Variants in SDK1 observed in about 807,000 individuals in gnomAD.
The protein encoded by SDK1 is sidekick cell adhesion molecule 1.
A neutral mutation model predicts 245.5 loss-of-function variants in SDK1; 157 were observed. The ratio of observed to expected loss-of-function variants is 0.64; its 90% CI spans 0.56 to 0.73. SDK1 has a LOEUF of 0.73. SDK1 is among the 30% of genes least tolerant of loss of function. The pLI is 0.00. For missense variants in SDK1, 3,583 were observed against 3,002.3 expected (o/e 1.19, Z -4.52); for synonymous variants, 1,647 against 1,278.5 (o/e 1.29, Z -6.15).
At chr7:3,879,340 G>A (rs1382061304) in intron 5 of SDK1, among the ~76,000 whole-genome samples, 1 of 152,186 alleles carries the variant, frequency 6.6e-6, no homozygotes, top group African/African-American at 2.4e-5. Context: ...TACCCTTGCA[G>A]TTACTAGATG....
chr7:3,356,280 T>C (rs1780791997), intron 1 of SDK1, among the ~76,000 whole-genome samples: 1 of 152,130 alleles, frequency 6.6e-6, no homozygotes, highest in Admixed American at 6.5e-5. Context: ...TGGTGAAATA[T>C]AACAAAGTGC....
At chr7:3,379,476 C>T (rs979685751) in intron 1 of SDK1, among the ~76,000 whole-genome samples, 11 of 152,016 alleles carry the variant, frequency 7.2e-5, no homozygotes, top group African/African-American at 1.9e-4. Flanking sequence ...TAAGAGTGTT[C>T]CAAGCTTTGG....
chr7:3,519,001 G>C (rs1476951498), intron 1 of SDK1, among the ~76,000 whole-genome samples: 1 of 151,974 alleles, frequency 6.6e-6, no homozygotes, highest in African/African-American at 2.4e-5. Context: ...TGAGACAACA[G>C]GGATGGAACT....
intron 5 of SDK1, among the ~76,000 whole-genome samples, chr7:3,878,274 C>A (rs1265037427): frequency 6.6e-6 from 1 of 152,040 alleles, no homozygotes; most frequent in Non-Finnish European, 1.5e-5. Context: ...TAATCCCAGC[C>A]CTTTGGGAGG....
intron 14 of SDK1, among the ~76,000 whole-genome samples, chr7:4,008,628 C>T (rs1458778484): frequency 6.6e-6 from 1 of 152,086 alleles, no homozygotes. Context: ...AAAGTTAGTC[C>T]TCTTTCCAAA....
chr7:3,572,855 C>T lies in SDK1; in HGVS notation c.299-46225C>T, dbSNP rs377531732. 2.6e-5 allele frequency among the ~76,000 whole-genome samples: 4 copies of T among 151,894 alleles called. 1 individual carries two copies. In the East Asian group the frequency reaches 5.8e-4, roughly 22 times the overall value. On this transcript the variant is annotated intron_variant, in intron 1 of 44. Transcript: ENST00000404826. ...AGAGGGTGCTATTGAAATGTATTCA[C>T]CTGAAGAAGGGAGGAAGAGATTCCT...
At chr7:3,304,607 G>C (rs892998357) in intron 1 of SDK1, among the ~76,000 whole-genome samples, 2 of 152,168 alleles carry the variant, frequency 1.3e-5, no homozygotes, top group Non-Finnish European at 2.9e-5. Context: ...TGGTTCTCCA[G>C]CTTTGGTATG....
intron 13 of SDK1, among the ~76,000 whole-genome samples, chr7:3,974,998 C>A (rs749955818): frequency 6.6e-6 from 1 of 152,056 alleles, no homozygotes; most frequent in East Asian, 1.9e-4. Flanking sequence ...GCTGCCCCTC[C>A]GTGGGTAAAT....
Position 3,945,469 on chromosome 7 carries a change from C to A in SDK1, c.848-5454C>A, listed in dbSNP as rs73674358. ...AACTTCAGAAAGTATTTATACTCTC[C>A]GAGACATTTAGAAATGTATTTCACC... On this transcript the variant is annotated intron_variant, in intron 5 of 44. Coordinates refer to ENST00000404826, the MANE Select transcript of SDK1 (RefSeq NM_152744.4). Among the ~76,000 whole-genome samples the A allele has an allele frequency of 5.5e-3, 832 of 152,016 alleles. 9 individuals are homozygous for A. The highest frequency in any genetic ancestry group is 0.019 in the African/African-American group (778 of 41,446).
chr7:3,962,517 C>G, intron 8 of SDK1, 140 bp from the exon 9 acceptor site: 1 of 708,616 alleles, frequency 1.4e-6, no homozygotes, highest in Non-Finnish European at 2.3e-6. Context: ...AAAAATAGCT[C>G]CTTATAGGGT....
At chr7:4,203,602 A>G (rs1316928644) in intron 35 of SDK1, among the ~76,000 whole-genome samples, 4 of 152,100 alleles carry the variant, frequency 2.6e-5, no homozygotes, top group African/African-American at 4.8e-5. Flanking sequence ...TGGGAAAACA[A>G]AAAACGAACG....
intron 1 of SDK1, among the ~76,000 whole-genome samples, chr7:3,480,293 CAT>C (rs1489059568): frequency 1.3e-5 from 2 of 152,166 alleles, no homozygotes; most frequent in Non-Finnish European, 1.5e-5. Flanking sequence ...CAGAGTGGCT[CAT>C]GTGAAAACCT....
At chr7:3,655,899 T>A (rs996417921) in intron 4 of SDK1, among the ~76,000 whole-genome samples, 5 of 152,034 alleles carry the variant, frequency 3.3e-5, no homozygotes, top group African/African-American at 7.2e-5. Flanking sequence ...ATATATCAAA[T>A]GGAAATAATG....
chr7:3,495,976 T>C (rs139474757), intron 1 of SDK1, among the ~76,000 whole-genome samples: 135 of 152,350 alleles, frequency 8.9e-4, no homozygotes, highest in African/African-American at 3.1e-3. Flanking sequence ...AACATACTTA[T>C]CTTTTCTCAG....
intron 19 of SDK1, among the ~76,000 whole-genome samples, chr7:4,053,074 G>C (rs1435437338): frequency 7.1e-6 from 1 of 141,210 alleles, no homozygotes; most frequent in Non-Finnish European, 1.5e-5. Context: ...GTGACATAGT[G>C]AGACTCTGTC....
intron 4 of SDK1, among the ~76,000 whole-genome samples, chr7:3,723,943 TAGAGAG>T (rs542853903): frequency 0.019 from 1,664 of 89,670 alleles, 109 homozygotes; most frequent in African/African-American, 0.021. Flanking sequence ...TATATATATA[TAGAGAG>T]AGAGAGAGAG....
chr7:4,016,948 A>C (rs1329741264), intron 16 of SDK1, among the ~76,000 whole-genome samples: 1 of 152,200 alleles, frequency 6.6e-6, no homozygotes, highest in African/African-American at 2.4e-5. Context: ...TATGTAGTTG[A>C]AATGTCAGTT....
intron 28 of SDK1, among the ~76,000 whole-genome samples, chr7:4,145,186 C>G (rs1001994179): frequency 6.6e-6 from 1 of 152,104 alleles, no homozygotes; most frequent in Non-Finnish European, 1.5e-5. Flanking sequence ...AAGAAGGGGC[C>G]GGATGGACGT....
At chr7:4,146,019 C>A in intron 29 of SDK1, 103 bp downstream of exon 29, 1 of 1,009,096 alleles carries the variant, frequency 9.9e-7, no homozygotes, top group Non-Finnish European at 1.5e-6. Context: ...TTCGGCCTTC[C>A]CTTCGGAGAA....
Sources: gnomAD v4.1 joint callset for allele counts (sites outside exome capture counted in the v4.1 genomes callset) on GRCh38, gnomAD v4.1.1 for gene constraint, MANE v1.5 for transcripts, NCBI Gene and HGNC (gene_info 2026-07-23, HGNC 2026-07-21) for gene names.